The following SASH1 variants were observed in gnomAD, a reference collection of about 807,000 sequenced individuals.
SASH1 encodes the protein SAM and SH3 domain-containing protein 1.
In SASH1, 44 loss-of-function variants were observed where a neutral mutation model predicts 125.2. The observed-to-expected ratio is 0.35, with a 90% CI of 0.28 to 0.45. The LOEUF is 0.45. Ranked by LOEUF, SASH1 falls within the 20% of genes least tolerant of loss-of-function variation. The probability of loss-of-function intolerance (pLI) is 1.00; values close to 1 mark genes in which losing one functional copy is unlikely to be tolerated. For synonymous variants in SASH1, 639 were observed against 649.1 expected (o/e 0.98, Z 0.24); for missense variants, 1,426 against 1,614.5 (o/e 0.88, Z 2.00).
intron 10 of SASH1, chr6:148,520,255 T>C: frequency 4.8e-6 from 1 of 208,258 alleles, no homozygotes; most frequent in Non-Finnish European, 9.8e-6. Context: ...GACAGGACCC[T>C]GAGCAAGGCT....
In SASH1 at chr6:148,487,668, T is replaced by C. The variant is rs1296349810; in HGVS notation, c.682T>C (p.Trp228Arg). The C allele has an allele frequency of 1.2e-6, 2 of 1,613,756 alleles. No homozygotes were observed. The highest frequency in any genetic ancestry group is 4.5e-5 in the East Asian group (2 of 44,838). Residue 228 changes from tryptophan to arginine, a missense_variant, in exon 8 of 20, where the codon TGG becomes CGG. This residue lies in a region of SASH1 where 567 missense variants were observed against 575.6 expected (regional missense o/e 0.99). Transcript: ENST00000367467. The part of the protein sequence containing the change: ...RQSAALDPAD[W>R]PDGSYPTFDG... ...GTCGGCTGCCCTGGACCCTGCTGACTGGCCAGATGGTTCTTACCCAACGTT... is the reference window on the plus strand; with the variant it reads ...GTCGGCTGCCCTGGACCCTGCTGACCGGCCAGATGGTTCTTACCCAACGTT...
At chr6:148,507,144 A>G (rs1474587351) in intron 8 of SASH1, among the ~76,000 whole-genome samples, 1 of 152,104 alleles carries the variant, frequency 6.6e-6, no homozygotes, top group African/African-American at 2.4e-5. Flanking sequence ...AATTCAATAA[A>G]GGTTGGGAGG....
At chr6:148,315,568 A>C (rs753847225) in intron 1 of SASH1, among the ~76,000 whole-genome samples, 1 of 152,096 alleles carries the variant, frequency 6.6e-6, no homozygotes, top group Non-Finnish European at 1.5e-5. Flanking sequence ...AATTTAAGAG[A>C]TTTCCTCGCT....
the SASH1 span, among the ~76,000 whole-genome samples, chr6:148,194,675 A>C: frequency 6.6e-6 from 1 of 152,236 alleles, no homozygotes. Flanking sequence ...TGGGAGGCCA[A>C]GGCGGGAGGA....
chr6:148,237,789 A>G, the SASH1 span, among the ~76,000 whole-genome samples: 1 of 152,250 alleles, frequency 6.6e-6, no homozygotes, highest in African/African-American at 2.4e-5. Context: ...CTGGACAGTA[A>G]GCTAGCTTTC....
chr6:148,310,424 G>GAAA (rs5880770), intron 1 of SASH1, among the ~76,000 whole-genome samples: 1 of 141,224 alleles, frequency 7.1e-6, no homozygotes, highest in Non-Finnish European at 1.5e-5. Flanking sequence ...ATCCATATGT[G>GAAA]AAAAAAAAAA....
rs139692415 is a variant in SASH1 at position 148,417,582 on chromosome 6, A to AAAAAAAAAAAAAAAAT, written c.286-22599_286-22598insAAAAAAAAAAAATAAA. Among the ~76,000 whole-genome samples, 189 of 147,778 alleles carry AAAAAAAAAAAAAAAAT rather than the reference A, an allele frequency of 1.3e-3. 1 individual carries two copies. The highest frequency in any genetic ancestry group is 4.6e-3 in the African/African-American group (183 of 39,946). ...CCTGGCAATAGAGCGGGACTCTGTC[A>AAAAAAAAAAAAAAAAT]AAATAAATAAATAAATAAATAAATA... On this transcript the variant is annotated intron_variant, in intron 2 of 19. Coordinates refer to ENST00000367467, the MANE Select transcript of SASH1 (RefSeq NM_015278.5).
chr6:148,476,742 C>T (rs988111395), intron 7 of SASH1, among the ~76,000 whole-genome samples: 1 of 152,004 alleles, frequency 6.6e-6, no homozygotes, highest in South Asian at 2.1e-4. Flanking sequence ...CCACAGAATA[C>T]CTAGAACAGC....
chr6:148,448,076 A>C (rs1776885420), intron 4 of SASH1, among the ~76,000 whole-genome samples: 1 of 151,134 alleles, frequency 6.6e-6, no homozygotes, highest in Non-Finnish European at 1.5e-5. Context: ...CTTGGCCTCT[A>C]CACCCCCTGG....
chr6:148,379,777 A>C (rs1465169835), intron 1 of SASH1: 1 of 381,076 alleles, frequency 2.6e-6, no homozygotes, highest in African/African-American at 2.1e-5. Context: ...CAAACACGTA[A>C]ACAAATAAGT....
chr6:148,548,550 G>A lies in SASH1; in HGVS notation c.3736G>A (p.Ala1246Thr), dbSNP rs1289613361. The A allele has an allele frequency of 2.5e-6, 4 of 1,600,378 alleles. No individual in the cohort carries two copies. The highest frequency in any genetic ancestry group is 3.4e-6 in the Non-Finnish European group (4 of 1,173,470). The change falls in exon 20 of 20, where the codon GCC becomes ACC. Residue 1246 changes from alanine (A) to threonine (T), a missense_variant. Ala to Thr is a moderately conservative substitution (Grantham distance 58). Coordinates refer to ENST00000367467, the MANE Select transcript of SASH1 (RefSeq NM_015278.5). ...RLFKLPPGPEAM is the reference protein window; with the variant it reads ...RLFKLPPGPETM ...CTTCAAACTGCCGCCAGGCCCTGAG[G>A]CCATGTAGCCAGGCCCGGAATGGGC... is the stretch of plus-strand genomic sequence containing the variant.
Position 148,443,143 on chromosome 6 carries a change from GAA to G in SASH1, c.386+2758_386+2759del, listed in dbSNP as rs3035290. On this transcript the variant is annotated intron_variant, in intron 4 of 19. Coordinates refer to ENST00000367467, the MANE Select transcript of SASH1 (RefSeq NM_015278.5). ...TGTTTTTCCAATCCAGCACTTTTTAGAAAAAAAAAAAAAAAAAAAAAAATGGC... is the reference window on the plus strand; with the variant it reads ...TGTTTTTCCAATCCAGCACTTTTTAGAAAAAAAAAAAAAAAAAAAAATGGC... Among the ~76,000 whole-genome samples, 899 of 129,350 alleles carry G rather than the reference GAA, an allele frequency of 7.0e-3. 4 individuals carry two copies. Among genetic ancestry groups the G allele is most frequent in the East Asian group, 0.014 (66 of 4,602 alleles). 84.9% of individuals were successfully genotyped at this position (129,350 alleles called of 152,430 possible). A position where few individuals can be genotyped will look rare whatever the true frequency, so the allele number is the denominator to read the frequency against.
chr6:148,459,023 C>CA (rs1491310253), intron 4 of SASH1, among the ~76,000 whole-genome samples: 7 of 147,152 alleles, frequency 4.8e-5, no homozygotes, highest in African/African-American at 1.8e-4. Flanking sequence ...CACACACACA[C>CA]CCTCTAGCAT....
chr6:148,393,565 G>T, intron 2 of SASH1: 1 of 344,252 alleles, frequency 2.9e-6, no homozygotes, highest in Non-Finnish European at 4.1e-6. Flanking sequence ...ACTTTGGAAG[G>T]CAGCTTCTAG....
rs528724998 is a variant in SASH1 at position 148,362,959 on chromosome 6, C to T, written c.156+19736C>T. On this transcript the variant is annotated intron_variant, in intron 1 of 19. Coordinates refer to ENST00000367467, the MANE Select transcript of SASH1 (RefSeq NM_015278.5). ...CAACTGCTACCTATCCCAACTGCCA[C>T]CCAGGACAGAGCTGGGAGAGAGGGT... Among the ~76,000 whole-genome samples the T allele has an allele frequency of 7.2e-5, 11 of 152,324 alleles. No individual in the cohort carries two copies. The South Asian group carries it at 2.3e-3, about 32-fold the overall frequency.
At chr6:148,490,176 A>T (rs562144880) in intron 8 of SASH1, among the ~76,000 whole-genome samples, 32 of 151,866 alleles carry the variant, frequency 2.1e-4, no homozygotes, top group African/African-American at 6.5e-4. Flanking sequence ...TACAAGTTCC[A>T]TAGGGATGAT....
chr6:148,548,617 T>C lies in SASH1; in HGVS notation c.*59T>C. 3 of 1,503,836 alleles carry C rather than the reference T, an allele frequency of 2.0e-6. No individual in the cohort carries two copies. Among genetic ancestry groups the C allele is most frequent in the Non-Finnish European group, 2.7e-6 (3 of 1,122,064 alleles). The allele number at this position is 1,503,836 out of a possible 1,614,324, so 93.2% of individuals were successfully genotyped here. A position where few individuals can be genotyped will look rare whatever the true frequency, so the allele number is the denominator to read the frequency against. ...CACCCTTTCACTGTGCATATGATGC[T>C]GATGCAATTCCTCCATCATCTCTGG... On this transcript the variant is annotated 3_prime_UTR_variant, in exon 20 of 20. Transcript: ENST00000367467.
At chr6:148,302,595 T>TACAC (rs66830113) in intron 1 of SASH1, among the ~76,000 whole-genome samples, 8 of 147,750 alleles carry the variant, frequency 5.4e-5, no homozygotes, top group African/African-American at 1.7e-4. Flanking sequence ...TATGCACACA[T>TACAC]ACACACACAC....
At chr6:148,265,223 C>A in the SASH1 span, among the ~76,000 whole-genome samples, 1 of 151,982 alleles carries the variant, frequency 6.6e-6, no homozygotes, top group African/African-American at 2.4e-5. Context: ...AACAGGAGGA[C>A]TGCTTGAGCC....
Sources: gnomAD v4.1 joint callset for allele counts (sites outside exome capture counted in the v4.1 genomes callset) on GRCh38, gnomAD v4.1.1 for gene constraint, gnomAD v4.1.1 regional missense constraint, MANE v1.5 for transcripts, NCBI Gene and HGNC (gene_info 2026-07-23, HGNC 2026-07-21) for gene names.